TIAM1: variants seen among roughly 807,000 people sequenced by gnomAD.
TIAM1 encodes rho guanine nucleotide exchange factor TIAM1.
Under a neutral mutation model 163.5 loss-of-function variants are expected in TIAM1, and 65 were observed. The observed-to-expected ratio is 0.40, with a 90% confidence interval of 0.33 to 0.49. TIAM1 has a LOEUF of 0.49. Ranked by LOEUF, TIAM1 falls within the 20% of genes least tolerant of loss-of-function variation. TIAM1 has a pLI of 0.77. For synonymous variants in TIAM1, 833 were observed against 810.1 expected (o/e 1.03, Z -0.48); for missense variants, 1,789 against 2,044.7 (o/e 0.87, Z 2.41).
chr21:31,517,780 G>A (rs2047433341), intron 1 of TIAM1, among the ~76,000 whole-genome samples: 1 of 152,202 alleles, frequency 6.6e-6, no homozygotes, highest in East Asian at 1.9e-4. Flanking sequence ...TCTTGTACCA[G>A]GAGGAAGGAA....
intron 12 of TIAM1, among the ~76,000 whole-genome samples, chr21:31,196,891 C>T (rs1314124824): frequency 2.6e-5 from 4 of 152,142 alleles, no homozygotes; most frequent in African/African-American, 9.7e-5. Context: ...TACATGTATA[C>T]CACAGAATAC....
In TIAM1 at chr21:31,168,179, G is replaced by A. The variant is rs142999027; in HGVS notation, c.2888-3114C>T. ...GTGATCTCAGTTCACTGCAACCTCCGCCCCATGGGTTCAAGTGATTCTCCT... is the reference window on the plus strand; with the variant it reads ...GTGATCTCAGTTCACTGCAACCTCCACCCCATGGGTTCAAGTGATTCTCCT... On this transcript the variant is annotated intron_variant, in intron 15 of 27. Transcript: ENST00000541036. Among the ~76,000 whole-genome samples, 1,138 of 149,508 alleles carry A rather than the reference G, an allele frequency of 7.6e-3. 15 individuals are homozygous for A. Among genetic ancestry groups the A allele is most frequent in the East Asian group, 0.024 (121 of 4,996 alleles).
At chr21:31,147,681 T>A (rs2083185595) in intron 19 of TIAM1, among the ~76,000 whole-genome samples, 2 of 144,346 alleles carry the variant, frequency 1.4e-5, no homozygotes, top group African/African-American at 5.1e-5. Context: ...TAGATATATA[T>A]AAATATATAT....
At chr21:31,496,227 C>T (rs940181427) in intron 1 of TIAM1, among the ~76,000 whole-genome samples, 34 of 152,198 alleles carry the variant, frequency 2.2e-4, no homozygotes, top group Middle Eastern at 3.4e-3. Flanking sequence ...CGGTGGCTCA[C>T]GCCTGTAATC....
intron 1 of TIAM1, among the ~76,000 whole-genome samples, chr21:31,502,545 G>A (rs1378897639): frequency 6.6e-6 from 1 of 152,140 alleles, no homozygotes; most frequent in African/African-American, 2.4e-5. Flanking sequence ...TCAGCACCAA[G>A]CATGAGGAAA....
chr21:31,201,303 T>C (rs1361144943), intron 12 of TIAM1, among the ~76,000 whole-genome samples: 1 of 152,186 alleles, frequency 6.6e-6, no homozygotes, highest in Non-Finnish European at 1.5e-5. Context: ...AGAAAAAGAA[T>C]ACATCAGCCC....
chr21:31,315,825 C>T (rs1185858558), intron 2 of TIAM1, among the ~76,000 whole-genome samples: 1 of 148,842 alleles, frequency 6.7e-6, no homozygotes. Flanking sequence ...ACTAAAAATA[C>T]AAAAAGGCGG....
intron 14 of TIAM1, among the ~76,000 whole-genome samples, chr21:31,186,209 C>A (rs1447396434): frequency 6.6e-6 from 1 of 152,144 alleles, no homozygotes; most frequent in East Asian, 1.9e-4. Context: ...AGCGGGGAAG[C>A]GCTCTCTAAA....
At chr21:31,275,748 A>G (rs1383449711) in intron 3 of TIAM1, among the ~76,000 whole-genome samples, 1 of 152,224 alleles carries the variant, frequency 6.6e-6, no homozygotes, top group Non-Finnish European at 1.5e-5. Flanking sequence ...CACTTCAAAT[A>G]CATAAAACCT....
In TIAM1 at chr21:31,290,577, G is replaced by A. The variant is rs368458505; in HGVS notation, c.-188-13669C>T. Among the ~76,000 whole-genome samples, 19 of 143,004 alleles carry A rather than the reference G, an allele frequency of 1.3e-4. No individual in the cohort carries two copies. In the East Asian group the frequency reaches 3.9e-3, roughly 30 times the overall value. 93.8% of individuals were successfully genotyped at this position (143,004 alleles called of 152,430 possible). A position where few individuals can be genotyped will look rare whatever the true frequency, so the allele number is the denominator to read the frequency against. On this transcript the variant is annotated intron_variant, in intron 2 of 27. Transcript: ENST00000541036. ...CAGGAGAATCGCTTGAACCCAGAAG[G>A]CAGAGGTTGCAGTGAGCCAAGGTTG...
intron 4 of TIAM1, among the ~76,000 whole-genome samples, chr21:31,260,108 C>CTT (rs563555244): frequency 1.5e-5 from 2 of 131,194 alleles, no homozygotes; most frequent in East Asian, 2.2e-4. Flanking sequence ...CTAATTTTTC[C>CTT]TTTTTTTTTT....
intron 2 of TIAM1, among the ~76,000 whole-genome samples, chr21:31,405,747 A>G (rs2077236030): frequency 6.6e-6 from 1 of 152,138 alleles, no homozygotes; most frequent in South Asian, 2.1e-4. Context: ...TGATTTAATC[A>G]TCTCCCACTG....
At chr21:31,366,208 G>A (rs746348505) in intron 2 of TIAM1, among the ~76,000 whole-genome samples, 1 of 151,968 alleles carries the variant, frequency 6.6e-6, no homozygotes, top group South Asian at 2.1e-4. Flanking sequence ...GGTTGACAGA[G>A]GTCATAGGAA....
At chr21:31,477,780 AAAG>A (rs767237249) in intron 1 of TIAM1, among the ~76,000 whole-genome samples, 66 of 152,292 alleles carry the variant, frequency 4.3e-4, no homozygotes, top group Middle Eastern at 3.4e-3. Flanking sequence ...CAACTGCATG[AAAG>A]AAGTTCATTT....
intron 11 of TIAM1, among the ~76,000 whole-genome samples, chr21:31,207,038 T>C (rs368643139): frequency 5.3e-5 from 8 of 152,320 alleles, no homozygotes; most frequent in African/African-American, 1.9e-4. Context: ...GGTTATAGCA[T>C]ATCCAAAGCC....
Position 31,146,957 on chromosome 21 carries a change from C to T in TIAM1, c.3413G>A (p.Arg1138His), listed in dbSNP as rs1568916860. 8 of 1,614,042 alleles carry T rather than the reference C, an allele frequency of 5.0e-6. No homozygotes were observed. Among genetic ancestry groups the T allele is most frequent in the Non-Finnish European group, 6.8e-6 (8 of 1,179,992 alleles). ...GCAGAAGGCACTGTAGAGCTTGAAGCGGTCAGCATAATACAGGAATGATCC... is the reference window on the plus strand; with the variant it reads ...GCAGAAGGCACTGTAGAGCTTGAAGTGGTCAGCATAATACAGGAATGATCC... The part of the protein sequence containing the change: ...LGGSFLYYAD[R>H]FKLYSAFCAS... Residue 1138 changes from arginine to histidine, a missense_variant, in exon 20 of 28, where the codon CGC (arginine) becomes CAC (histidine). Transcript: ENST00000541036.
intron 26 of TIAM1, among the ~76,000 whole-genome samples, chr21:31,126,836 G>A (rs1238384828): frequency 6.6e-6 from 1 of 152,044 alleles, no homozygotes; most frequent in African/African-American, 2.4e-5. Flanking sequence ...CCCTCAAGAC[G>A]TGCAGGTGAT....
chr21:31,129,913 A>G (rs533373230), intron 25 of TIAM1, among the ~76,000 whole-genome samples: 89 of 152,308 alleles, frequency 5.8e-4, no homozygotes, highest in Admixed American at 4.4e-3. Flanking sequence ...GGTAGTCACT[A>G]TAGTATTAAT....
intron 2 of TIAM1, among the ~76,000 whole-genome samples, chr21:31,308,607 A>G (rs2146980326): frequency 1.3e-5 from 2 of 152,270 alleles, no homozygotes; most frequent in South Asian, 4.1e-4. Context: ...GTATGCACGC[A>G]ATAAACGCGT....
Sources: allele counts gnomAD v4.1 joint callset (sites outside exome capture counted in the v4.1 genomes callset), GRCh38; gene constraint gnomAD v4.1.1; transcripts MANE v1.5; gene names NCBI Gene and HGNC (gene_info 2026-07-23, HGNC 2026-07-21).